The following GARNL3 variants were observed in gnomAD, a reference collection of about 807,000 sequenced individuals.
GARNL3 encodes the protein GTPase-activating Rap/Ran-GAP domain-like protein 3.
GARNL3 carries 63 observed loss-of-function variants against 125.0 expected under a neutral mutation model. The ratio of observed to expected loss-of-function variants is 0.50; its 90% CI spans 0.41 to 0.62. The LOEUF (loss-of-function observed/expected upper bound fraction) is 0.62, where lower values mean the gene tolerates loss of function less well. GARNL3 is among the 20% of genes least tolerant of loss of function. The probability of loss-of-function intolerance (pLI) is 0.00; values close to 1 mark genes in which losing one functional copy is unlikely to be tolerated. For synonymous variants in GARNL3, 439 were observed against 457.5 expected (o/e 0.96, Z 0.52); for missense variants, 994 against 1,244.0 (o/e 0.80, Z 3.02).
At chr9:127,300,204 C>A in intron 2 of GARNL3, 1 of 315,566 alleles carries the variant, frequency 3.2e-6, no homozygotes. Flanking sequence ...TAATTTCTTC[C>A]TCTTCTGTTA....
At chr9:127,255,714 C>T (rs1484746751) in intron 2 of GARNL3, among the ~76,000 whole-genome samples, 1 of 152,196 alleles carries the variant, frequency 6.6e-6, no homozygotes, top group Non-Finnish European at 1.5e-5. Flanking sequence ...CAGTGCTTCT[C>T]AGATTTCAAT....
intron 22 of GARNL3, among the ~76,000 whole-genome samples, chr9:127,370,059 G>A (rs1720079183): frequency 6.7e-6 from 1 of 148,300 alleles, no homozygotes; most frequent in South Asian, 2.1e-4. Context: ...TCTCTTGACT[G>A]TGGTTAGCTT....
At chr9:127,293,208 GGTAAAGCAGTTAGTGCA>G (rs2064479031) in intron 2 of GARNL3, among the ~76,000 whole-genome samples, 1 of 152,130 alleles carries the variant, frequency 6.6e-6, no homozygotes, top group Non-Finnish European at 1.5e-5. Context: ...CTCTGAATTA[GGTAAAGCAGTTAGTGCA>G]GTAAAGGACT....
chr9:127,351,366 C>T (rs1395751507), intron 17 of GARNL3, among the ~76,000 whole-genome samples: 1 of 152,030 alleles, frequency 6.6e-6, no homozygotes, highest in African/African-American at 2.4e-5. Flanking sequence ...AAGTCGCCTT[C>T]AACAGGATGG....
chr9:127,253,488 G>A (rs147581619), intron 2 of GARNL3, among the ~76,000 whole-genome samples: 2 of 152,290 alleles, frequency 1.3e-5, no homozygotes, highest in East Asian at 1.9e-4. Context: ...TGAAAACAGG[G>A]AACCCATTGT....
chr9:127,300,220 G>T, intron 2 of GARNL3: 1 of 307,864 alleles, frequency 3.2e-6, no homozygotes, highest in South Asian at 3.6e-5. Flanking sequence ...TGTTACTGAG[G>T]CACCACACAA....
rs1017284707 is a variant in GARNL3 at position 127,336,223 on chromosome 9, C to T, written c.969C>T (p.Arg323=). 1 of 1,611,582 alleles carries T rather than the reference C, an allele frequency of 6.2e-7. No homozygotes were observed. Among genetic ancestry groups the T allele is most frequent in the African/African-American group, 1.3e-5 (1 of 74,858 alleles). ...CTGCCTTTAAGCCTTCCATGATCCG[C>T]TCCCACTTTACACGTATCCTGGGCC... The part of the protein sequence containing the change: ...SSPAFKPSMI[R]SHFTHIFALV... Residue 323 remains arginine, a synonymous_variant, in exon 11 of 28, where the codon CGC becomes CGT. Coordinates refer to ENST00000373387, the MANE Select transcript of GARNL3 (RefSeq NM_032293.5).
intron 1 of GARNL3, among the ~76,000 whole-genome samples, chr9:127,228,420 A>G (rs745528870): frequency 3.9e-4 from 60 of 152,244 alleles, no homozygotes; most frequent in Non-Finnish European, 8.2e-4. Flanking sequence ...TAGTCCCCCA[A>G]GGGCATATGA....
intron 2 of GARNL3, among the ~76,000 whole-genome samples, chr9:127,249,149 G>C (rs962927761): frequency 6.6e-6 from 1 of 152,070 alleles, no homozygotes; most frequent in African/African-American, 2.4e-5. Flanking sequence ...GGTTACTAGA[G>C]TAGAGATGCC....
At chr9:127,275,569 G>C (rs2063932858) in intron 1 of GARNL3, among the ~76,000 whole-genome samples, 1 of 152,200 alleles carries the variant, frequency 6.6e-6, no homozygotes, top group Non-Finnish European at 1.5e-5. Flanking sequence ...TGGGTTAGAA[G>C]AGCTTTTGGC....
At chr9:127,264,617 TCTCTC>T, upstream of GARNL3, 5 of 1,108,986 alleles carry the variant, frequency 4.5e-6, no homozygotes, top group Non-Finnish European at 5.5e-6. Flanking sequence ...CTGCAGGGCT[TCTCTC>T]CTCTCTGGTT....
rs940257656 is a variant in GARNL3, at chr9:127,384,197, CAG to C, written c.2269+654_2269+655del. Among the ~76,000 whole-genome samples, 2 of 152,140 alleles carry C rather than the reference CAG, an allele frequency of 1.3e-5. No homozygotes were observed. Among genetic ancestry groups the C allele is most frequent in the Non-Finnish European group, 2.9e-5 (2 of 68,024 alleles). On this transcript the variant is annotated intron_variant, in intron 23 of 27. Coordinates refer to ENST00000373387, the MANE Select transcript of GARNL3 (RefSeq NM_032293.5). The surrounding 1 kb of genome is among the most constrained non-coding windows in gnomAD (Gnocchi z 4.0). ...TGGGAGGACCAGTTAGACTTGATGA[CAG>C]ATTAGATCTGGTAGACAGGAAAGGG...
chr9:127,315,293 C>T (rs774657112), intron 4 of GARNL3, among the ~76,000 whole-genome samples: 9 of 152,030 alleles, frequency 5.9e-5, no homozygotes, highest in Non-Finnish European at 8.8e-5. Flanking sequence ...GTGATTCAAC[C>T]CTCGCTCTCC....
rs1313296759 is a variant in GARNL3, at chr9:127,339,750, A to G, written c.1134A>G (p.Lys378=). The G allele has an allele frequency of 6.2e-7, 1 of 1,600,356 alleles. No homozygotes were observed. Among genetic ancestry groups the G allele is most frequent in the Non-Finnish European group, 8.6e-7 (1 of 1,167,374 alleles). ...HQEFRDFLLV[K]LINGEKATLE... is the part of the protein sequence containing the mutation. ...AATTCAGGGACTTTTTGCTAGTGAAATGTAAGTTTCTGTTTTGAAACAATT... is the reference window on the plus strand; with the variant it reads ...AATTCAGGGACTTTTTGCTAGTGAAGTGTAAGTTTCTGTTTTGAAACAATT... Residue 378 remains lysine (K), a splice_region_variant and synonymous_variant, in exon 13 of 28, where the codon AAA becomes AAG. Coordinates refer to ENST00000373387, the MANE Select transcript of GARNL3 (RefSeq NM_032293.5).
At chr9:127,317,610 G>A (rs1426332256) in intron 4 of GARNL3, among the ~76,000 whole-genome samples, 1 of 151,974 alleles carries the variant, frequency 6.6e-6, no homozygotes, top group African/African-American at 2.4e-5. Context: ...CCAGCTACTC[G>A]GGAGGCTGAG....
At chr9:127,381,065 G>A (rs1229224395) in intron 22 of GARNL3, among the ~76,000 whole-genome samples, 1 of 152,126 alleles carries the variant, frequency 6.6e-6, no homozygotes, top group Admixed American at 6.5e-5. Flanking sequence ...TTTTGGTAGA[G>A]ATAGAGTTTC....
chr9:127,264,541 A>AG (rs111721243), upstream of GARNL3: 9,498 of 1,019,788 alleles, frequency 9.3e-3, 565 homozygotes, highest in African/African-American at 0.14. Flanking sequence ...TGGGACAAAG[A>AG]GCTCTCTTAA....
At chr9:127,315,774 A>G (rs985013341) in intron 4 of GARNL3, among the ~76,000 whole-genome samples, 5 of 152,328 alleles carry the variant, frequency 3.3e-5, no homozygotes, top group African/African-American at 1.2e-4. Context: ...AAATATGAAA[A>G]ATGATTTGTA....
intron 21 of GARNL3, among the ~76,000 whole-genome samples, chr9:127,359,833 G>A (rs1588929239): frequency 6.6e-6 from 1 of 152,002 alleles, no homozygotes; most frequent in East Asian, 1.9e-4. Context: ...ATTCATTATA[G>A]GATTTCTTTT....
Sources: allele counts gnomAD v4.1 joint callset (sites outside exome capture counted in the v4.1 genomes callset), GRCh38; gene constraint gnomAD v4.1.1; non-coding constraint Gnocchi (gnomAD v3.1); transcripts MANE v1.5; gene names NCBI Gene and HGNC (gene_info 2026-07-23, HGNC 2026-07-21).